DLC1: variants seen among roughly 807,000 people sequenced by gnomAD.
The protein encoded by DLC1 is DLC1 Rho GTPase activating protein, also known as rho GTPase-activating protein 7.
Under a neutral mutation model 140.3 loss-of-function variants are expected in DLC1, and 54 were observed. The ratio of observed to expected loss-of-function variants is 0.38; its 90% CI spans 0.31 to 0.48. The LOEUF (loss-of-function observed/expected upper bound fraction) is 0.48, where lower values mean the gene tolerates loss of function less well. Among genes scored for constraint, DLC1 ranks in the 20% least tolerant of loss-of-function variants. The pLI is 0.96. For missense variants in DLC1, 2,536 were observed against 1,907.0 expected, an observed-to-expected ratio of 1.33 and a Z score of -6.14; for synonymous variants, 986 against 728.1, an observed-to-expected ratio of 1.35 and a Z score of -5.70.
At chr8:13,207,634 T>C (rs1218606572) in intron 5 of DLC1, among the ~76,000 whole-genome samples, 1 of 152,152 alleles carries the variant, frequency 6.6e-6, no homozygotes, top group African/African-American at 2.4e-5. Context: ...CATATATTAG[T>C]GCAGTGTTAC....
chr8:13,376,805 A>G (rs1198425075), intron 4 of DLC1, among the ~76,000 whole-genome samples: 1 of 152,218 alleles, frequency 6.6e-6, no homozygotes, highest in Admixed American at 6.5e-5. Flanking sequence ...CTTTTGAGCC[A>G]ACATTTAATC....
chr8:13,117,762 A>C (rs1820688717), intron 5 of DLC1, among the ~76,000 whole-genome samples: 1 of 152,238 alleles, frequency 6.6e-6, no homozygotes, highest in African/African-American at 2.4e-5. Context: ...CAGACACGGC[A>C]GTAGGTGAGC....
At chr8:13,280,863 A>G (rs1285977115) in intron 5 of DLC1, among the ~76,000 whole-genome samples, 1 of 152,238 alleles carries the variant, frequency 6.6e-6, no homozygotes, top group Non-Finnish European at 1.5e-5. Context: ...GGTCTTTGGC[A>G]TAGAAAGAAA....
intron 5 of DLC1, among the ~76,000 whole-genome samples, chr8:13,270,294 C>T (rs1227452678): frequency 1.3e-5 from 2 of 152,116 alleles, no homozygotes; most frequent in South Asian, 2.1e-4. Context: ...GTAAAATGTG[C>T]AGACTGTGCA....
In DLC1 at chr8:13,316,077, C is replaced by T. The variant is rs541983198; in HGVS notation, c.1315-10775G>A. 4.6e-4 allele frequency among the ~76,000 whole-genome samples: 70 copies of T among 152,310 alleles called. 2 individuals are homozygous for T. The highest frequency in any genetic ancestry group is 2.2e-3 in the Admixed American group (33 of 15,298). On this transcript the variant is annotated intron_variant, in intron 4 of 17. Transcript: ENST00000276297. ...CAACACCTCCCTTTCAAGAACAGCA[C>T]GCAGGTTGCGCACTGGCTTAACAAA...
At chr8:13,541,262 T>G (rs1803475322) in intron 1 of DLC1, among the ~76,000 whole-genome samples, 1 of 152,164 alleles carries the variant, frequency 6.6e-6, no homozygotes, top group African/African-American at 2.4e-5. Flanking sequence ...GGTATGAACA[T>G]TCACATACAA....
chr8:13,603,382 C>T (rs2117507851), intron 1 of DLC1, among the ~76,000 whole-genome samples: 1 of 151,578 alleles, frequency 6.6e-6, no homozygotes, highest in South Asian at 2.1e-4. Context: ...TAATGGGAGT[C>T]ACTGATTTTT....
intron 5 of DLC1, among the ~76,000 whole-genome samples, chr8:13,116,470 C>T (rs568716732): frequency 6.6e-6 from 1 of 152,292 alleles, no homozygotes; most frequent in South Asian, 2.1e-4. Context: ...TTCCTTTCAA[C>T]TCTTCCTCCC....
In DLC1 at chr8:13,184,991, G is replaced by A. The variant is rs192773431; in HGVS notation, c.1349-69334C>T. ...ATGAATCTGGGTGCTCCTGTATTGG[G>A]TGCATATATATTTAGGATAGTTAGC... On this transcript the variant is annotated intron_variant, in intron 5 of 17. Coordinates refer to ENST00000276297, the MANE Select transcript of DLC1 (RefSeq NM_182643.3). Among the ~76,000 whole-genome samples the A allele has an allele frequency of 2.1e-3, 316 of 152,164 alleles. 1 individual carries two copies. The highest frequency in any genetic ancestry group is 6.8e-3 in the Middle Eastern group (2 of 294).
chr8:13,578,192 C>G (rs995759081), intron 1 of DLC1, among the ~76,000 whole-genome samples: 1 of 152,048 alleles, frequency 6.6e-6, no homozygotes, highest in Non-Finnish European at 1.5e-5. Context: ...CAAGGATGAC[C>G]ACATGGCCAC....
chr8:13,603,073 A>G (rs953968281), intron 1 of DLC1, among the ~76,000 whole-genome samples: 6 of 151,938 alleles, frequency 3.9e-5, no homozygotes, highest in African/African-American at 1.2e-4. Context: ...CAAGGTATAA[A>G]TAAATTGTTC....
chr8:13,508,123 C>T (rs771534244), intron 1 of DLC1, among the ~76,000 whole-genome samples: 4 of 152,202 alleles, frequency 2.6e-5, no homozygotes, highest in Admixed American at 1.3e-4. Context: ...TCTATTTTTA[C>T]GTCCAGGTTG....
chr8:13,400,467 T>A (rs928887068), intron 3 of DLC1, among the ~76,000 whole-genome samples: 1 of 152,222 alleles, frequency 6.6e-6, no homozygotes, highest in Non-Finnish European at 1.5e-5. Flanking sequence ...TTCATAATGT[T>A]ATTCCACTGT....
At chr8:13,249,146 C>T (rs567118356) in intron 5 of DLC1, among the ~76,000 whole-genome samples, 5 of 152,054 alleles carry the variant, frequency 3.3e-5, no homozygotes, top group African/African-American at 7.2e-5. Context: ...GCGCGATCTT[C>T]GCTCACTGCA....
At chr8:13,390,158 C>T (rs1255260865) in intron 4 of DLC1, among the ~76,000 whole-genome samples, 1 of 152,098 alleles carries the variant, frequency 6.6e-6, no homozygotes, top group Non-Finnish European at 1.5e-5. Context: ...TACTTTTGAA[C>T]TGTAGTGAAA....
At chr8:13,174,774 T>A (rs182455673) in intron 5 of DLC1, among the ~76,000 whole-genome samples, 1 of 152,202 alleles carries the variant, frequency 6.6e-6, no homozygotes, top group Non-Finnish European at 1.5e-5. Context: ...CTTTGTCAGA[T>A]GCAGAGTTCA....
At chr8:13,108,266 C>G (rs1819762941) in intron 7 of DLC1, among the ~76,000 whole-genome samples, 1 of 152,086 alleles carries the variant, frequency 6.6e-6, no homozygotes, top group Non-Finnish European at 1.5e-5. Flanking sequence ...AAAAGAAAAT[C>G]CAACCCTAGG....
At chr8:13,374,637 G>A (rs1302643366) in intron 4 of DLC1, among the ~76,000 whole-genome samples, 3 of 152,100 alleles carry the variant, frequency 2.0e-5, no homozygotes, top group African/African-American at 7.2e-5. Context: ...ACAAAAATTA[G>A]TCAGGAGTGG....
At chr8:13,573,010 A>G (rs1322931436) in intron 1 of DLC1, among the ~76,000 whole-genome samples, 3 of 152,166 alleles carry the variant, frequency 2.0e-5, no homozygotes, top group African/African-American at 7.2e-5. Context: ...TCTGTAAAAA[A>G]TGCCATTGGA....
Sources: allele counts gnomAD v4.1 joint callset (sites outside exome capture counted in the v4.1 genomes callset), GRCh38; gene constraint gnomAD v4.1.1; transcripts MANE v1.5; gene names NCBI Gene and HGNC (gene_info 2026-07-23, HGNC 2026-07-21).